RABGEF1: variants seen among roughly 807,000 people sequenced by gnomAD.
RABGEF1 encodes the protein RAB guanine nucleotide exchange factor 1.
A neutral mutation model predicts 57.3 loss-of-function variants in RABGEF1; 26 were observed. That is an observed-to-expected ratio of 0.45 (90% CI 0.33 to 0.63). The LOEUF (loss-of-function observed/expected upper bound fraction) is 0.63. Among genes scored for constraint, RABGEF1 ranks in the 20% least tolerant of loss-of-function variants. RABGEF1 has a pLI of 0.02. For missense variants in RABGEF1, 464 were observed against 607.6 expected (o/e 0.76, Z 2.48); for synonymous variants, 185 against 210.7 (o/e 0.88, Z 1.06).
At chr7:66,710,355 T>C (rs1269193634) in intron 1 of RABGEF1, among the ~76,000 whole-genome samples, 1 of 152,238 alleles carries the variant, frequency 6.6e-6, no homozygotes, top group Admixed American at 6.5e-5. Context: ...ATCCAGATAA[T>C]AGTGTTTGTA....
intron 1 of RABGEF1, among the ~76,000 whole-genome samples, chr7:66,769,212 C>T (rs1806477460): frequency 6.6e-6 from 1 of 152,240 alleles, no homozygotes; most frequent in South Asian, 2.1e-4. Context: ...GTCTTCCCCA[C>T]TTCTCCATTT....
chr7:66,672,378 G>A, the RABGEF1 span, among the ~76,000 whole-genome samples: 3 of 152,164 alleles, frequency 2.0e-5, no homozygotes, highest in African/African-American at 7.2e-5. Context: ...CTTGCAGTGA[G>A]CCGAGATCGT....
intron 2 of RABGEF1, chr7:66,773,598 T>C (rs1807751448): frequency 4.5e-6 from 2 of 442,728 alleles, no homozygotes; most frequent in African/African-American, 4.0e-5. Context: ...TGCCTGGTGA[T>C]GCTGCGCTGC....
chr7:66,774,068 C>T (rs1418307093), intron 2 of RABGEF1: 1 of 254,384 alleles, frequency 3.9e-6, no homozygotes, highest in African/African-American at 2.3e-5. Flanking sequence ...TTCCTCCTAA[C>T]CCTTCTCCTG....
Position 66,808,914 on chromosome 7 carries a change from T to G in RABGEF1, c.1106T>G (p.Leu369Arg). Residue 369 changes from leucine to arginine, a missense_variant, in exon 9 of 9, where the codon CTA (leucine) becomes CGA (arginine). By Grantham distance (102) the Leu-to-Arg change is moderately radical. Around this residue, in one of 4 missense-constraint regions of RABGEF1, gnomAD observed 151 missense variants for 152.2 expected, o/e 0.99. Transcript: ENST00000284957. ...TGTGCTGTGGCTTTCATTGAGAAGC[T>G]AGACGCCCAGTCTTTGAATCTAAGT... is the stretch of plus-strand genomic sequence containing the variant. ...LCCAVAFIEK[L>R]DAQSLNLSQE... 1 of 1,607,992 alleles carries G rather than the reference T, an allele frequency of 6.2e-7. No individual in the cohort carries two copies. Among genetic ancestry groups the G allele is most frequent in the Non-Finnish European group, 8.5e-7 (1 of 1,174,800 alleles).
chr7:66,703,170 GT>G (rs1254367437), intron 1 of RABGEF1, among the ~76,000 whole-genome samples: 4 of 152,054 alleles, frequency 2.6e-5, no homozygotes, highest in African/African-American at 9.7e-5. Flanking sequence ...TAGAAATGGG[GT>G]TTCACCGTGT....
chr7:66,757,755 G>A (rs1803124078), intron 1 of RABGEF1, among the ~76,000 whole-genome samples: 1 of 152,180 alleles, frequency 6.6e-6, no homozygotes, highest in African/African-American at 2.4e-5. Context: ...GGGACTACAG[G>A]CGCCTGCCAC....
At chr7:66,790,883 G>A (rs1349400925) in intron 4 of RABGEF1, among the ~76,000 whole-genome samples, 1 of 152,220 alleles carries the variant, frequency 6.6e-6, no homozygotes, top group African/African-American at 2.4e-5. Flanking sequence ...GAATCACGCT[G>A]TATCTGCTCA....
Position 66,761,932 on chromosome 7 carries a change from T to C in RABGEF1, c.-17-9951T>C, listed in dbSNP as rs539609815. Among the ~76,000 whole-genome samples the C allele has an allele frequency of 9.9e-5, 15 of 152,014 alleles. No homozygotes were observed. The East Asian group carries it at 2.7e-3, about 28-fold the overall frequency. Reference sequence around the variant, plus strand: ...TGGGCATGGTGGCAGGCACCTATAGTACCAGTTACTTGGGAAGCCGAGGCA... The same window carrying C: ...TGGGCATGGTGGCAGGCACCTATAGCACCAGTTACTTGGGAAGCCGAGGCA... On this transcript the variant is annotated intron_variant, in intron 1 of 8. Transcript: ENST00000284957.
chr7:66,785,806 G>A lies in RABGEF1; in HGVS notation c.513+1965G>A, dbSNP rs551463239. Among the ~76,000 whole-genome samples the A allele has an allele frequency of 3.9e-5, 6 of 152,132 alleles. No homozygotes were observed. In the East Asian group the frequency reaches 5.8e-4, roughly 15 times the overall value. Reference sequence around the variant, plus strand: ...GGAGAATGGCGTGAACCTGGGAGGCGGAGCTTGCAGTGAGCGGAGATTGCA... The same window carrying A: ...GGAGAATGGCGTGAACCTGGGAGGCAGAGCTTGCAGTGAGCGGAGATTGCA... On this transcript the variant is annotated intron_variant, in intron 4 of 8. Transcript: ENST00000284957.
chr7:66,718,821 A>G (rs902254336), intron 2 of RABGEF1, among the ~76,000 whole-genome samples: 4 of 152,196 alleles, frequency 2.6e-5, no homozygotes, highest in African/African-American at 9.7e-5. Flanking sequence ...AGTTTATATA[A>G]ATTGTTAATC....
intron 2 of RABGEF1, among the ~76,000 whole-genome samples, chr7:66,729,374 C>G (rs1797037419): frequency 0.011 from 2 of 186 alleles, no homozygotes; most frequent in Non-Finnish European, 0.031. Flanking sequence ...CCCTTCCATT[C>G]TCACTCTCTT....
chr7:66,766,276 T>G (rs1805675490), intron 1 of RABGEF1, among the ~76,000 whole-genome samples: 1 of 150,500 alleles, frequency 6.6e-6, no homozygotes, highest in African/African-American at 2.5e-5. Context: ...GCCACTGCAC[T>G]CTAGCCTGAA....
At chr7:66,668,594 A>G in the RABGEF1 span, among the ~76,000 whole-genome samples, 159 of 152,292 alleles carry the variant, frequency 1.0e-3, no homozygotes, top group African/African-American at 3.5e-3. Context: ...GCCGGGGGTG[A>G]AAGCCCAGCA....
intron 1 of RABGEF1, among the ~76,000 whole-genome samples, chr7:66,689,782 A>T (rs1286539675): frequency 6.6e-6 from 1 of 151,464 alleles, no homozygotes; most frequent in Non-Finnish European, 1.5e-5. Context: ...AGCCTGGGGG[A>T]TGAGAGCAAG....
At chr7:66,732,801 C>T (rs1797493470) in intron 2 of RABGEF1, among the ~76,000 whole-genome samples, 1 of 152,152 alleles carries the variant, frequency 6.6e-6, no homozygotes, top group African/African-American at 2.4e-5. Context: ...GTCTCTCTCG[C>T]TTTTGCTCTC....
At chr7:66,664,798 G>C in the RABGEF1 span, among the ~76,000 whole-genome samples, 1 of 152,192 alleles carries the variant, frequency 6.6e-6, no homozygotes, top group African/African-American at 2.4e-5. Context: ...GGGAGTCAGG[G>C]GTCACCTCAT....
In RABGEF1 at chr7:66,760,834, G is replaced by T. The variant is rs546219533; in HGVS notation, c.-17-11049G>T. Among the ~76,000 whole-genome samples the T allele has an allele frequency of 5.3e-5, 8 of 152,106 alleles. No homozygotes were observed. In the South Asian group the frequency reaches 1.5e-3, roughly 28 times the overall value. On this transcript the variant is annotated intron_variant, in intron 1 of 8. Coordinates refer to ENST00000284957, the MANE Select transcript of RABGEF1 (RefSeq NM_014504.3). ...AATAGAGACAGAGTCTTGCTGTGTT[G>T]CCCAGGCTGGTCTTGAACGCTTGAC...
chr7:66,715,715 G>C (rs1259943583), intron 2 of RABGEF1, among the ~76,000 whole-genome samples: 1 of 151,918 alleles, frequency 6.6e-6, no homozygotes, highest in African/African-American at 2.4e-5. Context: ...TTTATTTTGT[G>C]ACCAAGGACA....
Sources: allele counts gnomAD v4.1 joint callset (sites outside exome capture counted in the v4.1 genomes callset), GRCh38; gene constraint gnomAD v4.1.1; regional missense constraint gnomAD v4.1.1; transcripts MANE v1.5; gene names NCBI Gene and HGNC (gene_info 2026-07-23, HGNC 2026-07-21).